Variants in EXOSC10 observed in about 807,000 individuals in gnomAD.
EXOSC10 encodes the protein exosome complex component 10.
A neutral mutation model predicts 126.6 loss-of-function variants in EXOSC10; 94 were observed. That is an observed-to-expected ratio of 0.74 (90% CI 0.63 to 0.88). The LOEUF is 0.88. EXOSC10 is among the 40% of genes least tolerant of loss of function. The pLI, the probability that EXOSC10 is intolerant of heterozygous loss-of-function variation, is 0.00. For synonymous variants in EXOSC10, 395 were observed against 400.8 expected (o/e 0.99, Z 0.17); for missense variants, 1,041 against 1,100.5 (o/e 0.95, Z 0.77).
chr1:11,092,521 CTTT>C (rs201402155), intron 3 of EXOSC10, among the ~76,000 whole-genome samples: 4 of 138,308 alleles, frequency 2.9e-5, no homozygotes, highest in Non-Finnish European at 3.2e-5. Flanking sequence ...CCCTGTTTTT[CTTT>C]TTTTTTTTTT....
At chr1:11,088,072 A>T in intron 7 of EXOSC10, 51 bp downstream of exon 7, 1 of 1,447,444 alleles carries the variant, frequency 6.9e-7, no homozygotes. Flanking sequence ...TACTTATTTG[A>T]TTCCTCTTGG....
At chr1:11,075,477 A>C (rs1639758320) in intron 17 of EXOSC10, among the ~76,000 whole-genome samples, 1 of 152,176 alleles carries the variant, frequency 6.6e-6, no homozygotes, top group Non-Finnish European at 1.5e-5. Context: ...CCTCCTTTAC[A>C]CCAAACAGCA....
chr1:11,096,230 T>C (rs1260671133), intron 2 of EXOSC10, among the ~76,000 whole-genome samples: 1 of 151,364 alleles, frequency 6.6e-6, no homozygotes, highest in African/African-American at 2.4e-5. Flanking sequence ...GTGATCTGCC[T>C]GCCTCCGACT....
chr1:11,073,837 C>G, intron 19 of EXOSC10, 97 bp downstream of exon 19: 1 of 901,232 alleles, frequency 1.1e-6, no homozygotes. Flanking sequence ...AAGATTGTGC[C>G]TCTGCACTCC....
chr1:11,092,642 C>A (rs561375725), intron 3 of EXOSC10, among the ~76,000 whole-genome samples: 1 of 151,800 alleles, frequency 6.6e-6, no homozygotes, highest in East Asian at 1.9e-4. Flanking sequence ...CTCAGCCTCC[C>A]GAGTATCTGG....
intron 6 of EXOSC10, among the ~76,000 whole-genome samples, chr1:11,089,591 A>AG (rs1640686725): frequency 6.6e-6 from 1 of 150,964 alleles, no homozygotes; most frequent in South Asian, 2.1e-4. Context: ...ATTGTACTCC[A>AG]GCCTGAGCAA....
chr1:11,084,263 A>G lies in EXOSC10; in HGVS notation c.1090-1385T>C, dbSNP rs548413792. ...CCACCAACAGTGTAAAAGTGTTCCT[A>G]TTTCTCCACATCTTCTCCAGCACCT... On this transcript the variant is annotated intron_variant, in intron 9 of 24. Transcript: ENST00000376936. Among the ~76,000 whole-genome samples, 300 of 152,236 alleles carry G rather than the reference A, an allele frequency of 2.0e-3. 11 individuals carry two copies. Among genetic ancestry groups the G allele is most frequent in the Admixed American group, 0.019 (283 of 15,276 alleles).
chr1:11,085,257 T>G (rs1288727737), intron 9 of EXOSC10, among the ~76,000 whole-genome samples: 2 of 152,224 alleles, frequency 1.3e-5, no homozygotes, highest in Non-Finnish European at 2.9e-5. Context: ...TTCCTACCCA[T>G]GAGCATGGAA....
chr1:11,095,206 C>T (rs943249346), intron 3 of EXOSC10, among the ~76,000 whole-genome samples: 3 of 133,562 alleles, frequency 2.2e-5, no homozygotes, highest in East Asian at 2.1e-4. Flanking sequence ...AGCAAGACTC[C>T]GTCTCAAAAA....
At chr1:11,083,002 G>A (rs1400134003) in intron 9 of EXOSC10, 124 bp from the exon 10 acceptor site, 2 of 749,212 alleles carry the variant, frequency 2.7e-6, no homozygotes, top group Non-Finnish European at 4.4e-6. Flanking sequence ...CCCATCTGTA[G>A]TGCAGTGGTG....
intron 3 of EXOSC10, among the ~76,000 whole-genome samples, chr1:11,094,760 C>T (rs945293066): frequency 2.0e-5 from 3 of 152,088 alleles, no homozygotes; most frequent in Non-Finnish European, 4.4e-5. Flanking sequence ...GCCACCATGG[C>T]CTGGCTAGTT....
At chr1:11,087,380 T>C in intron 9 of EXOSC10, 68 bp downstream of exon 9, 2 of 1,573,348 alleles carry the variant, frequency 1.3e-6, no homozygotes, top group East Asian at 2.2e-5. Flanking sequence ...AATAATGAAA[T>C]AGTACACTGA....
Position 11,079,780 on chromosome 1 carries a change from G to A in EXOSC10, c.1680C>T (p.Pro560=). Residue 560 remains proline, a synonymous_variant, in exon 14 of 25, where the codon CCC becomes CCT. Transcript: ENST00000376936. The part of the protein sequence containing the change: ...GIIACCNPVP[P]LVRQQINEMH... ...TTTCGTTGATCTGCTGCCGCACAAG[G>A]GGCGGTACTGGGTTGCAGCAAGCTA... The A allele has an allele frequency of 6.2e-7, 1 of 1,613,778 alleles. No individual in the cohort carries two copies.
At chr1:11,076,698 C>T in intron 17 of EXOSC10, 144 bp downstream of exon 17, 1 of 673,378 alleles carries the variant, frequency 1.5e-6, no homozygotes, top group Non-Finnish European at 2.6e-6. Context: ...TCATTGGTCT[C>T]TATGCCTCTC....
chr1:11,098,142 G>T lies in EXOSC10; in HGVS notation c.126C>A (p.Ser42=). 6.2e-7 allele frequency: 1 copy of T among 1,606,628 alleles called. No homozygotes were observed. ...ADSFVKFALG[S]VVAVTKASGG... ...CAGATGCCTTGGTGACTGCCACCAC[G>T]GACCCAAGAGCAAACTGTCAAAAAC... The change falls in exon 2 of 25, where the codon TCC becomes TCA. Residue 42 remains serine (S), a synonymous_variant. Transcript: ENST00000376936.
intron 22 of EXOSC10, 127 bp from the exon 23 acceptor site, chr1:11,068,833 T>C: frequency 1.3e-6 from 1 of 765,754 alleles, no homozygotes; most frequent in Non-Finnish European, 2.4e-6. Context: ...CCTGTCACGA[T>C]GAGGGGCTAG....
Position 11,077,604 on chromosome 1 carries a change from A to T in EXOSC10, c.1797T>A (p.Ala599=). ...GVKKSGPLPS[A]ERLENVLFGP... is the part of the protein sequence containing the mutation. ...GAAAACAGATCCGACACTCTACCTC[A>T]GCACTGGGCAGCGGTCCGCTCTTCT... Residue 599 remains alanine (A), a synonymous_variant, in exon 15 of 25, where the codon GCT becomes GCA. Transcript: ENST00000376936. 2 of 1,613,842 alleles carry T rather than the reference A, an allele frequency of 1.2e-6. No homozygotes were observed. Among genetic ancestry groups the T allele is most frequent in the Non-Finnish European group, 1.7e-6 (2 of 1,179,916 alleles).
intron 3 of EXOSC10, among the ~76,000 whole-genome samples, chr1:11,093,287 A>C (rs1363311456): frequency 6.6e-6 from 1 of 152,210 alleles, no homozygotes; most frequent in Non-Finnish European, 1.5e-5. Context: ...AAGTCCCTGG[A>C]CTGCATACAT....
chr1:11,084,820 G>A (rs1640399831), intron 9 of EXOSC10, among the ~76,000 whole-genome samples: 1 of 152,180 alleles, frequency 6.6e-6, no homozygotes, highest in South Asian at 2.1e-4. Context: ...GTAAGGAAGG[G>A]ATCCAGTTTC....
Sources: allele counts gnomAD v4.1 joint callset (sites outside exome capture counted in the v4.1 genomes callset), GRCh38; gene constraint gnomAD v4.1.1; transcripts MANE v1.5; gene names NCBI Gene and HGNC (gene_info 2026-07-23, HGNC 2026-07-21).